DIAPH2: variants seen among roughly 807,000 people sequenced by gnomAD.
DIAPH2 encodes the protein protein diaphanous homolog 2.
A neutral mutation model predicts 92.7 loss-of-function variants in DIAPH2; 35 were observed. That is an observed-to-expected ratio of 0.38 (90% CI 0.29 to 0.50). The LOEUF (loss-of-function observed/expected upper bound fraction) is 0.50, where lower values mean the gene tolerates loss of function less well. DIAPH2 is among the 20% of genes least tolerant of loss of function. DIAPH2 has a pLI of 0.94. For synonymous variants in DIAPH2, 301 were observed against 280.4 expected, an observed-to-expected ratio of 1.07 and a Z score of -0.73; for missense variants, 701 against 819.5, an observed-to-expected ratio of 0.86 and a Z score of 1.77.
rs1206130945 is a variant in DIAPH2, at chrX:96,791,424, G to A, written c.447+33166G>A. 5.4e-5 allele frequency among the ~76,000 whole-genome samples: 6 copies of A among 110,993 alleles called. No individual in the cohort carries two copies. In the East Asian group the frequency reaches 1.7e-3, roughly 32 times the overall value. On this transcript the variant is annotated intron_variant, in intron 4 of 26. Transcript: ENST00000324765. ...TTGAAATAAGATAAAAGATACTTCAGCCACTTGGGAGGCTGAGGCATGAGG... is the reference window on the plus strand; with the variant it reads ...TTGAAATAAGATAAAAGATACTTCAACCACTTGGGAGGCTGAGGCATGAGG...
intron 22 of DIAPH2, among the ~76,000 whole-genome samples, chrX:97,152,943 T>A (rs1275107749): frequency 9.1e-6 from 1 of 110,095 alleles, no homozygotes; most frequent in Non-Finnish European, 1.9e-5. Context: ...AGTCATAATC[T>A]GAAAGATGTA....
At chrX:97,178,308 G>A (rs934069757) in intron 22 of DIAPH2, among the ~76,000 whole-genome samples, 6 of 110,388 alleles carry the variant, frequency 5.4e-5, no homozygotes, top group East Asian at 2.8e-4. Context: ...CGGTATTAGC[G>A]TTTTAAGATA....
intron 22 of DIAPH2, among the ~76,000 whole-genome samples, chrX:97,149,680 G>A (rs1343231055): frequency 8.1e-5 from 7 of 86,814 alleles, no homozygotes; most frequent in Non-Finnish European, 1.1e-4. Context: ...GCAGTGAGCC[G>A]AGATCGCGCC....
At chrX:97,485,704 A>C (rs2070683108) in intron 26 of DIAPH2, among the ~76,000 whole-genome samples, 1 of 112,689 alleles carries the variant, frequency 8.9e-6, no homozygotes, top group Non-Finnish European at 1.9e-5. Flanking sequence ...TTGAAGCTCC[A>C]ATTCCCTGAT....
intron 26 of DIAPH2, among the ~76,000 whole-genome samples, chrX:97,551,735 A>G (rs768552454): frequency 9.0e-6 from 1 of 111,482 alleles, no homozygotes; most frequent in East Asian, 2.8e-4. Context: ...AGGAGGATCT[A>G]GGTAGATATC....
chrX:97,368,908 T>TA (rs1041414349), intron 24 of DIAPH2, among the ~76,000 whole-genome samples: 2 of 85,027 alleles, frequency 2.4e-5, no homozygotes, highest in African/African-American at 8.5e-5. Flanking sequence ...TCTTTTTTTT[T>TA]TTTTTTTTTT....
At chrX:97,185,474 C>CATATATAT (rs1180330581) in intron 22 of DIAPH2, among the ~76,000 whole-genome samples, 5 of 10,504 alleles carry the variant, frequency 4.8e-4, no homozygotes, top group Non-Finnish European at 6.4e-4. Context: ...TATATATACA[C>CATATATAT]ATATATATAT....
chrX:96,722,226 G>A (rs181853220), intron 1 of DIAPH2, among the ~76,000 whole-genome samples: 1 of 110,352 alleles, frequency 9.1e-6, no homozygotes, highest in East Asian at 2.8e-4. Flanking sequence ...GCGTGGTGGT[G>A]GGCGCCTGTG....
intron 22 of DIAPH2, among the ~76,000 whole-genome samples, chrX:97,212,305 GT>G (rs2067846435): frequency 9.0e-6 from 1 of 111,437 alleles, no homozygotes; most frequent in South Asian, 3.7e-4. Flanking sequence ...AATTATTGCA[GT>G]TTATTTTATC....
intron 22 of DIAPH2, among the ~76,000 whole-genome samples, chrX:97,156,039 C>T (rs756827312): frequency 1.7e-4 from 19 of 112,013 alleles, no homozygotes; most frequent in African/African-American, 5.8e-4. Context: ...TGACATGTGG[C>T]GGTGAGCAGC....
At chrX:97,358,201 T>C (rs1429011437) in intron 24 of DIAPH2, among the ~76,000 whole-genome samples, 2 of 112,125 alleles carry the variant, frequency 1.8e-5, no homozygotes. Flanking sequence ...ATGCAGATTA[T>C]CTAGGGCAAA....
intron 1 of DIAPH2, among the ~76,000 whole-genome samples, chrX:96,692,050 G>A (rs760856281): frequency 1.6e-3 from 184 of 112,332 alleles, no homozygotes; most frequent in Non-Finnish European, 3.2e-3. Context: ...TCGTTGGTCT[G>A]TTATTAAGCT....
At chrX:97,515,130 G>T (rs2070933111) in intron 26 of DIAPH2, among the ~76,000 whole-genome samples, 1 of 112,381 alleles carries the variant, frequency 8.9e-6, no homozygotes, top group Non-Finnish European at 1.9e-5. Flanking sequence ...CTTGCAGTTT[G>T]ATCTCAGACT....
chrX:97,566,467 A>G (rs1409259966), intron 26 of DIAPH2, among the ~76,000 whole-genome samples: 2 of 111,973 alleles, frequency 1.8e-5, no homozygotes, highest in Non-Finnish European at 3.8e-5. Context: ...AATGCATGGA[A>G]TACTTTGTGG....
intron 22 of DIAPH2, among the ~76,000 whole-genome samples, chrX:97,181,656 C>T (rs1179256716): frequency 9.0e-6 from 1 of 111,585 alleles, no homozygotes; most frequent in Non-Finnish European, 1.9e-5. Context: ...GTGATCCACC[C>T]GCCTCGGCCT....
chrX:97,453,570 A>G (rs1443885840), intron 26 of DIAPH2, among the ~76,000 whole-genome samples: 4 of 111,786 alleles, frequency 3.6e-5, no homozygotes, highest in Non-Finnish European at 7.5e-5. Flanking sequence ...TGGTACAAAG[A>G]TGGACCTTAC....
chrX:97,447,805 T>A (rs1270535818), intron 26 of DIAPH2, among the ~76,000 whole-genome samples: 1 of 112,225 alleles, frequency 8.9e-6, no homozygotes, highest in African/African-American at 3.2e-5. Flanking sequence ...GACTTGCGTG[T>A]GGGGCAGAGA....
At chrX:97,339,790 G>C (rs991587315) in intron 23 of DIAPH2, among the ~76,000 whole-genome samples, 3 of 111,839 alleles carry the variant, frequency 2.7e-5, no homozygotes, top group Non-Finnish European at 5.6e-5. Flanking sequence ...ATTTGTCTTT[G>C]TAGAACAAGG....
chrX:96,718,336 G>T (rs866841290), intron 1 of DIAPH2, among the ~76,000 whole-genome samples: 307 of 10,729 alleles, frequency 0.029, no homozygotes, highest in East Asian at 0.13. Flanking sequence ...CATTTTCTTT[G>T]TTTTTTTTTT....
Sources: allele counts gnomAD v4.1 joint callset (sites outside exome capture counted in the v4.1 genomes callset), GRCh38; gene constraint gnomAD v4.1.1; transcripts MANE v1.5; gene names NCBI Gene and HGNC (gene_info 2026-07-23, HGNC 2026-07-21).